The following CLEC5A variants were observed in gnomAD, a reference collection of about 807,000 sequenced individuals.
CLEC5A encodes C-type lectin domain containing 5A.
A neutral mutation model predicts 24.4 loss-of-function variants in CLEC5A; 15 were observed. That is an observed-to-expected ratio of 0.62 (90% CI 0.41 to 0.95). CLEC5A has a LOEUF of 0.95. Among genes scored for constraint, CLEC5A ranks in the 40% least tolerant of loss-of-function variants. CLEC5A has a pLI of 0.00. For missense variants in CLEC5A, 211 were observed against 224.0 expected, an observed-to-expected ratio of 0.94 and a Z score of 0.37; for synonymous variants, 71 against 72.6, an observed-to-expected ratio of 0.98 and a Z score of 0.11.
At chr7:141,942,644 C>T (rs552255036) in intron 4 of CLEC5A, among the ~76,000 whole-genome samples, 63 of 151,944 alleles carry the variant, frequency 4.1e-4, no homozygotes, top group Admixed American at 9.8e-4. Flanking sequence ...AGACAATCCA[C>T]AGAATGGAAA....
chr7:141,931,847 T>C, intron 5 of CLEC5A, 21 bp from the exon 6 acceptor site: 1 of 1,181,296 alleles, frequency 8.5e-7, no homozygotes, highest in Non-Finnish European at 1.2e-6. Flanking sequence ...AAAAAAAATT[T>C]TACCAGTGAG....
chr7:141,933,740 G>C (rs2128960660), intron 5 of CLEC5A, among the ~76,000 whole-genome samples: 1 of 152,002 alleles, frequency 6.6e-6, no homozygotes, highest in Non-Finnish European at 1.5e-5. Context: ...GCCTTGACAT[G>C]GTACAGGCTC....
chr7:141,940,730 G>C (rs868919001), intron 4 of CLEC5A, among the ~76,000 whole-genome samples: 11 of 149,830 alleles, frequency 7.3e-5, no homozygotes, highest in African/African-American at 2.7e-4. Flanking sequence ...AATAAAATCA[G>C]AGATGAAATA....
intron 5 of CLEC5A, among the ~76,000 whole-genome samples, chr7:141,932,919 G>T (rs1802507608): frequency 6.6e-6 from 1 of 152,160 alleles, no homozygotes. Flanking sequence ...TCTGACCCAT[G>T]GTCTAAAACC....
chr7:141,933,645 C>T (rs1486885617), intron 5 of CLEC5A, among the ~76,000 whole-genome samples: 3 of 146,218 alleles, frequency 2.1e-5, no homozygotes, highest in Non-Finnish European at 4.5e-5. Context: ...TGTGTAAGCT[C>T]ATGCTTAGCT....
intron 4 of CLEC5A, among the ~76,000 whole-genome samples, chr7:141,942,277 G>A (rs532793185): frequency 9.9e-5 from 15 of 152,072 alleles, no homozygotes; most frequent in East Asian, 1.9e-4. Context: ...AATTCCCTAC[G>A]TCTATAGTGA....
chr7:141,942,052 A>G (rs2128962239), intron 4 of CLEC5A, among the ~76,000 whole-genome samples: 1 of 152,274 alleles, frequency 6.6e-6, no homozygotes, highest in East Asian at 1.9e-4. Flanking sequence ...ACCCAATGAC[A>G]TTATTCACAG....
At chr7:141,931,868 ATGCCTCTCTTGAGC>A in intron 5 of CLEC5A, 42 bp from the exon 6 acceptor site, 1 of 881,666 alleles carries the variant, frequency 1.1e-6, no homozygotes, top group Non-Finnish European at 1.8e-6. Context: ...TCTTTTAATG[ATGCCTCTCTTGAGC>A]CAATGTGCCC....
At chr7:141,930,370 C>T (rs961378483) in intron 6 of CLEC5A, 152 bp from the exon 7 acceptor site, 14 of 617,326 alleles carry the variant, frequency 2.3e-5, no homozygotes, top group East Asian at 1.1e-4. Flanking sequence ...GGCCCACACA[C>T]GTCTCCATCT....
chr7:141,944,355 A>T lies in CLEC5A; in HGVS notation c.140-391T>A, dbSNP rs564710616. ...AGTACTTCTCGCCCAGGCTCCACAC[A>T]GCATCTTTGCTGTTCTTTCTACTTC... On this transcript the variant is annotated intron_variant, in intron 3 of 6. Transcript: ENST00000546910. 6.6e-5 allele frequency among the ~76,000 whole-genome samples: 10 copies of T among 152,324 alleles called. No individual in the cohort carries two copies. The South Asian group carries it at 1.7e-3, about 25-fold the overall frequency.
In CLEC5A at chr7:141,942,497, G is replaced by A. The variant is rs548848278; in HGVS notation, c.208+1399C>T. ...TACAAGAAAACTTCGGGGAAACTCT[G>A]TAGGACATTGAAGTGAGCAAAGATT... On this transcript the variant is annotated intron_variant, in intron 4 of 6. Transcript: ENST00000546910. Among the ~76,000 whole-genome samples, 5 of 152,174 alleles carry A rather than the reference G, an allele frequency of 3.3e-5. No homozygotes were observed. In the South Asian group the frequency reaches 1.0e-3, roughly 31 times the overall value.
Position 141,942,449 on chromosome 7 carries a change from T to C in CLEC5A, c.208+1447A>G, listed in dbSNP as rs116382235. On this transcript the variant is annotated intron_variant, in intron 4 of 6. Coordinates refer to ENST00000546910, the MANE Select transcript of CLEC5A (RefSeq NM_013252.3). ...AATCAAAATGGATTAAAGACTGAAA[T>C]CTAAAATCTCAAGCTATGAAAATAC... Among the ~76,000 whole-genome samples, 1,130 of 152,126 alleles carry C rather than the reference T, an allele frequency of 7.4e-3. 17 individuals carry two copies. The highest frequency in any genetic ancestry group is 0.026 in the African/African-American group (1,087 of 41,516).
At chr7:141,934,087 G>C (rs957570401) in intron 5 of CLEC5A, among the ~76,000 whole-genome samples, 9 of 152,190 alleles carry the variant, frequency 5.9e-5, no homozygotes, top group Non-Finnish European at 1.3e-4. Context: ...ACCTGACCCT[G>C]AGTGTGACAT....
At chr7:141,941,866 A>G (rs1170568196) in intron 4 of CLEC5A, among the ~76,000 whole-genome samples, 1 of 152,110 alleles carries the variant, frequency 6.6e-6, no homozygotes, top group Non-Finnish European at 1.5e-5. Context: ...GAATTAATTT[A>G]GCCAAAGAAG....
chr7:141,945,488 G>A (rs1329691101), intron 2 of CLEC5A, 88 bp from the exon 3 acceptor site: 2 of 892,590 alleles, frequency 2.2e-6, no homozygotes. Flanking sequence ...GGCTGCTAGG[G>A]TACTGTGACT....
At chr7:141,945,790 A>G (rs1005146504) in intron 2 of CLEC5A, 22 of 325,792 alleles carry the variant, frequency 6.8e-5, no homozygotes, top group Non-Finnish European at 6.8e-5. Flanking sequence ...GAATTAATTT[A>G]TATGTATACA....
rs914429060 is a variant in CLEC5A, at chr7:141,928,759, A to G, written c.*1345T>C. 6 of 152,340 alleles carry G rather than the reference A, an allele frequency of 3.9e-5. No individual in the cohort carries two copies. Among genetic ancestry groups the G allele is most frequent in the Admixed American group, 2.6e-4 (4 of 15,302 alleles). 9.4% of individuals were successfully genotyped at this position (152,340 alleles called of 1,614,324 possible). A position where few individuals can be genotyped will look rare whatever the true frequency, so the allele number is the denominator to read the frequency against. On this transcript the variant is annotated 3_prime_UTR_variant, in exon 7 of 7. Transcript: ENST00000546910. ...GTTTGGTATACATACAATGACATGT[A>G]CAGTCATTACTGTGCTACATTGTTA...
intron 2 of CLEC5A, 103 bp from the exon 3 acceptor site, chr7:141,945,503 G>A (rs41275015): frequency 0.01 from 8,286 of 812,280 alleles, 75 homozygotes; most frequent in Non-Finnish European, 0.013. Context: ...GTGACTATTA[G>A]TGGGAAATAC....
chr7:141,936,572 G>A (rs12669964), intron 4 of CLEC5A, among the ~76,000 whole-genome samples: 1,923 of 152,214 alleles, frequency 0.013, 56 homozygotes, highest in South Asian at 0.11. Context: ...GGCAAGCCTC[G>A]CCACTGTGAG....
Sources: gnomAD v4.1 joint callset for allele counts (sites outside exome capture counted in the v4.1 genomes callset) on GRCh38, gnomAD v4.1.1 for gene constraint, MANE v1.5 for transcripts, NCBI Gene and HGNC (gene_info 2026-07-23, HGNC 2026-07-21) for gene names.